Variants in CDC14A observed in about 807,000 individuals in gnomAD.
The protein encoded by CDC14A is dual specificity protein phosphatase CDC14A.
In CDC14A, 53 loss-of-function variants were observed where a neutral mutation model predicts 74.4. That is an observed-to-expected ratio of 0.71 (90% CI 0.57 to 0.89). The LOEUF (loss-of-function observed/expected upper bound fraction) is 0.89. Ranked by LOEUF, CDC14A falls within the 40% of genes least tolerant of loss-of-function variation. The pLI, the probability that CDC14A is intolerant of heterozygous loss-of-function variation, is 0.00. For synonymous variants in CDC14A, 247 were observed against 258.4 expected, an observed-to-expected ratio of 0.96 and a Z score of 0.43; for missense variants, 646 against 713.7, an observed-to-expected ratio of 0.91 and a Z score of 1.08.
intron 2 of CDC14A, among the ~76,000 whole-genome samples, chr1:100,355,931 T>C (rs1312540288): frequency 6.6e-6 from 1 of 151,998 alleles, no homozygotes; most frequent in East Asian, 1.9e-4. Flanking sequence ...GCACATCTGG[T>C]GGAAGCGTTC....
At chr1:100,489,616 AT>A (rs1670417334) in intron 11 of CDC14A, among the ~76,000 whole-genome samples, 1 of 151,260 alleles carries the variant, frequency 6.6e-6, no homozygotes, top group Non-Finnish European at 1.5e-5. Context: ...TTTTGGTACA[AT>A]ATTTTAGTTT....
At position 100,364,239 on chromosome 1, in the gene CDC14A, C is replaced by T. The variant is rs139576425; in HGVS notation, c.140+10387C>T. 2.7e-3 allele frequency among the ~76,000 whole-genome samples: 414 copies of T among 151,416 alleles called. 1 individual carries two copies. Among genetic ancestry groups the T allele is most frequent in the African/African-American group, 9.5e-3 (392 of 41,274 alleles). On this transcript the variant is annotated intron_variant, in intron 2 of 15. Transcript: ENST00000336454. Reference sequence around the variant, plus strand: ...ATTTTTTATTTTTGAGATGGAGTCTCGCTCTGTTGCCAGGCTGGAGTGCAG... The same window carrying T: ...ATTTTTTATTTTTGAGATGGAGTCTTGCTCTGTTGCCAGGCTGGAGTGCAG...
chr1:100,420,686 T>C (rs1394585247), intron 4 of CDC14A, among the ~76,000 whole-genome samples: 3 of 152,146 alleles, frequency 2.0e-5, no homozygotes, highest in Non-Finnish European at 4.4e-5. Flanking sequence ...AGTAAATGTG[T>C]GTTTAAAAAG....
chr1:100,402,488 T>C (rs891249890), intron 4 of CDC14A, among the ~76,000 whole-genome samples: 1 of 152,182 alleles, frequency 6.6e-6, no homozygotes, highest in Admixed American at 6.5e-5. Flanking sequence ...AATTTGATAT[T>C]GAATGTATTT....
rs1253465161 is a variant in CDC14A, at chr1:100,443,682, G to GAATTTAC, written c.519+687_519+693dup. On this transcript the variant is annotated intron_variant, in intron 7 of 15. Coordinates refer to ENST00000336454, the MANE Select transcript of CDC14A (RefSeq NM_003672.4). ...ATAAATTTTATTTTGAAATATGGCT[G>GAATTTAC]AATTTACTTAGTTCTAAAAGTTCAC... Among the ~76,000 whole-genome samples the GAATTTAC allele has an allele frequency of 6.6e-5, 10 of 152,140 alleles. No individual in the cohort carries two copies. The East Asian group carries it at 1.7e-3, about 26-fold the overall frequency.
At chr1:100,360,108 ATTTTTTT>A (rs35028152) in intron 2 of CDC14A, among the ~76,000 whole-genome samples, 2 of 123,726 alleles carry the variant, frequency 1.6e-5, no homozygotes, top group Non-Finnish European at 1.7e-5. Flanking sequence ...ACACCCAGCT[ATTTTTTT>A]TTTTTTTTTT....
In CDC14A at chr1:100,520,245, T is replaced by C. The variant is rs993519973; in HGVS notation, c.*1965T>C. On this transcript the variant is annotated 3_prime_UTR_variant, in exon 16 of 16. Transcript: ENST00000336454. ...TATTTTAAAGTGTAGAAGAATACAC[T>C]GCTAATAAATAATAAAAGTTTTATT... 3 of 152,594 alleles carry C rather than the reference T, an allele frequency of 2.0e-5. No homozygotes were observed. Among genetic ancestry groups the C allele is most frequent in the Non-Finnish European group, 4.4e-5 (3 of 67,980 alleles). The allele number at this position is 152,594 out of a possible 1,614,324, so 9.5% of individuals were successfully genotyped here.
intron 7 of CDC14A, among the ~76,000 whole-genome samples, chr1:100,448,100 G>C (rs532186824): frequency 6.6e-6 from 1 of 152,252 alleles, no homozygotes; most frequent in Admixed American, 6.5e-5. Context: ...CAACATCGGA[G>C]GTTCCTCATC....
chr1:100,501,863 C>T (rs1648769786), intron 15 of CDC14A, among the ~76,000 whole-genome samples: 1 of 151,680 alleles, frequency 6.6e-6, no homozygotes, highest in Non-Finnish European at 1.5e-5. Context: ...TTTGTGTCTT[C>T]ATTTTAAACA....
intron 3 of CDC14A, among the ~76,000 whole-genome samples, chr1:100,382,553 A>T (rs763737953): frequency 1.7e-4 from 26 of 151,722 alleles, no homozygotes; most frequent in African/African-American, 6.1e-4. Context: ...TACAGTTTTA[A>T]TTATTGATTT....
chr1:100,506,411 C>CG (rs780271050), intron 15 of CDC14A, among the ~76,000 whole-genome samples: 5 of 119,634 alleles, frequency 4.2e-5, no homozygotes, highest in Non-Finnish European at 8.1e-5. Context: ...TTCAACATTG[C>CG]GATTTTTTTT....
chr1:100,507,219 A>G (rs558374254), intron 15 of CDC14A, among the ~76,000 whole-genome samples: 8 of 152,096 alleles, frequency 5.3e-5, no homozygotes, highest in Admixed American at 1.3e-4. Context: ...GGTCCTTTCT[A>G]TTTTTGCACT....
At chr1:100,395,076 A>G (rs1658284746) in intron 4 of CDC14A, among the ~76,000 whole-genome samples, 1 of 152,210 alleles carries the variant, frequency 6.6e-6, no homozygotes, top group Admixed American at 6.5e-5. Context: ...TTAAGAGTGA[A>G]GGTGTTCCTG....
intron 4 of CDC14A, among the ~76,000 whole-genome samples, chr1:100,423,572 T>C (rs1409286809): frequency 6.6e-6 from 1 of 152,238 alleles, no homozygotes; most frequent in Non-Finnish European, 1.5e-5. Context: ...GTATATTACC[T>C]GGGAGTTGTT....
chr1:100,499,792 ACCT>A lies in CDC14A; in HGVS notation c.1755+534_1755+536del, dbSNP rs1301838047. Among the ~76,000 whole-genome samples, 7 of 152,158 alleles carry A rather than the reference ACCT, an allele frequency of 4.6e-5. No individual in the cohort carries two copies. The East Asian group carries it at 1.4e-3, about 29-fold the overall frequency. ...TAAGCATTAGGCCCTTGAATATTTC[ACCT>A]CCTGCAAGGAACTGACCCAGAATAA... On this transcript the variant is annotated intron_variant, in intron 15 of 15. Coordinates refer to ENST00000336454, the MANE Select transcript of CDC14A (RefSeq NM_003672.4).
intron 4 of CDC14A, chr1:100,423,772 C>T (rs563901975): frequency 4.2e-4 from 69 of 163,916 alleles, no homozygotes; most frequent in African/African-American, 1.5e-3. Flanking sequence ...TGGCTTTCCT[C>T]AAGAGTAGGC....
chr1:100,516,781 C>T lies in CDC14A; in HGVS notation c.1756-1470C>T, dbSNP rs186203790. Among the ~76,000 whole-genome samples, 137 of 152,254 alleles carry T rather than the reference C, an allele frequency of 9.0e-4. 1 individual carries two copies. Among genetic ancestry groups the T allele is most frequent in the Non-Finnish European group, 1.5e-3 (103 of 68,012 alleles). On this transcript the variant is annotated intron_variant, in intron 15 of 15. Coordinates refer to ENST00000336454, the MANE Select transcript of CDC14A (RefSeq NM_003672.4). ...TTCACTGGACTTTCTTAGGGTCTTACCTCTTTTATTCGCACTGTGGGTTCA... is the reference window on the plus strand; with the variant it reads ...TTCACTGGACTTTCTTAGGGTCTTATCTCTTTTATTCGCACTGTGGGTTCA...
intron 7 of CDC14A, among the ~76,000 whole-genome samples, chr1:100,449,140 T>C (rs937611844): frequency 3.3e-5 from 5 of 152,238 alleles, no homozygotes; most frequent in African/African-American, 1.2e-4. Context: ...GGAAAGACCA[T>C]TTCTATTCTA....
rs191146318 is a variant in CDC14A, at chr1:100,403,882, G to A, written c.309+13058G>A. 5.7e-3 allele frequency among the ~76,000 whole-genome samples: 861 copies of A among 152,274 alleles called. 10 individuals are homozygous for A. The highest frequency in any genetic ancestry group is 0.02 in the African/African-American group (819 of 41,540). On this transcript the variant is annotated intron_variant, in intron 4 of 15. Coordinates refer to ENST00000336454, the MANE Select transcript of CDC14A (RefSeq NM_003672.4). ...GTATCTCATTGGGCTTAGTTTCTAA[G>A]TGTGGGCTGAAAAGTTATATAATGT...
Sources: allele counts gnomAD v4.1 joint callset (sites outside exome capture counted in the v4.1 genomes callset), GRCh38; gene constraint gnomAD v4.1.1; transcripts MANE v1.5; gene names NCBI Gene and HGNC (gene_info 2026-07-23, HGNC 2026-07-21).